The following TAF1D variants were observed in gnomAD, a reference collection of about 807,000 sequenced individuals.
TAF1D encodes TATA box-binding protein-associated factor RNA polymerase I subunit D.
In TAF1D, 23 loss-of-function variants were observed where a neutral mutation model predicts 26.2. The ratio of observed to expected loss-of-function variants is 0.88; its 90% CI spans 0.63 to 1.25. TAF1D has a LOEUF of 1.25. TAF1D is among the 50% of genes most tolerant of loss of function. The pLI is 0.00. For synonymous variants in TAF1D, 100 were observed against 105.6 expected, an observed-to-expected ratio of 0.95 and a Z score of 0.33; for missense variants, 299 against 322.0, an observed-to-expected ratio of 0.93 and a Z score of 0.55.
Position 93,738,292 on chromosome 11 carries a change from T to A in TAF1D, c.276A>T (p.Lys92Asn), listed in dbSNP as rs761607709. The change falls in exon 3 of 6, where the codon AAA becomes AAT. Residue 92 changes from lysine (K) to asparagine (N), a missense_variant. Coordinates refer to ENST00000448108, the MANE Select transcript of TAF1D (RefSeq NM_024116.4). ...GCTGGTACCTCCTCTTTTTCTTTTT[T>A]TTATATCTCTTTTTCCTGTTCTTGA... ...ERFKNRKKRYKKKKKRRYQPT... is the reference protein window; with the variant it reads ...ERFKNRKKRYNKKKKRRYQPT... 3.1e-6 allele frequency: 5 copies of A among 1,608,518 alleles called. No individual in the cohort carries two copies. The highest frequency in any genetic ancestry group is 4.2e-6 in the Non-Finnish European group (5 of 1,178,792).
At chr11:93,740,620 G>C (rs1253398835) in intron 1 of TAF1D, among the ~76,000 whole-genome samples, 1 of 151,674 alleles carries the variant, frequency 6.6e-6, no homozygotes, top group Non-Finnish European at 1.5e-5. Flanking sequence ...AATATGAAAC[G>C]ATAAGGTCAC....
Position 93,735,849 on chromosome 11 carries a change from A to G in TAF1D, c.*312T>C, listed in dbSNP as rs905092631. ...CTTTAAGATTTTCTTTTCAAAATTA[A>G]AATCACTACATTTCATTGTTTCAAT... On this transcript the variant is annotated 3_prime_UTR_variant, in exon 6 of 6. Transcript: ENST00000448108. 1 of 1,090,100 alleles carries G rather than the reference A, an allele frequency of 9.2e-7. No individual in the cohort carries two copies. Among genetic ancestry groups the G allele is most frequent in the African/African-American group, 1.7e-5 (1 of 59,254 alleles). 67.5% of individuals were successfully genotyped at this position (1,090,100 alleles called of 1,614,324 possible).
chr11:93,733,764 T>C (rs780894153), downstream of TAF1D: 4 of 285,070 alleles, frequency 1.4e-5, no homozygotes, highest in Non-Finnish European at 2.8e-5. Flanking sequence ...CTCAAGTGTT[T>C]CTCCTGCCTT....
rs543075610 is a variant in TAF1D at position 93,736,040 on chromosome 11, T to G, written c.*121A>C. 3 of 1,448,396 alleles carry G rather than the reference T, an allele frequency of 2.1e-6. No homozygotes were observed. The highest frequency in any genetic ancestry group is 2.7e-5 in the Admixed American group (1 of 36,638). The allele number at this position is 1,448,396 out of a possible 1,614,324, so 89.7% of individuals were successfully genotyped here. ...GGGTTAAAAATTTTTTTTCTTGTTA[T>G]AAAGTTCTGGGTTTCAGAATTTCTT... On this transcript the variant is annotated 3_prime_UTR_variant, in exon 6 of 6. Coordinates refer to ENST00000448108, the MANE Select transcript of TAF1D (RefSeq NM_024116.4).
chr11:93,738,074 T>TTATG, intron 3 of TAF1D, 35 bp downstream of exon 3: 2 of 1,512,376 alleles, frequency 1.3e-6, no homozygotes, highest in South Asian at 2.8e-5. Context: ...GCATCTTGAG[T>TTATG]TATGTGTAGC....
intron 1 of TAF1D, among the ~76,000 whole-genome samples, chr11:93,739,961 C>CAAAAAAAAAAAAAAAAAAAAAAAAAA (rs67574108): frequency 1.2e-5 from 1 of 82,422 alleles, no homozygotes; most frequent in Non-Finnish European, 2.2e-5. Context: ...TACAACATAC[C>CAAAAAAAAAAAAAAAAAAAAAAAAAA]AAAAAAAAAA....
chr11:93,740,392 C>G (rs1941673337), intron 1 of TAF1D, among the ~76,000 whole-genome samples: 1 of 127,296 alleles, frequency 7.9e-6, no homozygotes. Flanking sequence ...GATTGCACCA[C>G]TGCACTCCAG....
At chr11:93,739,961 CAAAAAAAAAA>C (rs67574108) in intron 1 of TAF1D, among the ~76,000 whole-genome samples, 2 of 82,414 alleles carry the variant, frequency 2.4e-5, no homozygotes, top group African/African-American at 1.1e-4. Context: ...TACAACATAC[CAAAAAAAAAA>C]AAAAAAAAAA....
downstream of TAF1D, chr11:93,735,194 TGTAA>T (rs1263146563): frequency 1.5e-6 from 2 of 1,351,990 alleles, no homozygotes; most frequent in African/African-American, 1.5e-5. Context: ...TGCACCTATC[TGTAA>T]GTCTTTGTCC....
At chr11:93,731,739 A>G (rs113709416), downstream of TAF1D, 9 of 351,636 alleles carry the variant, frequency 2.6e-5, no homozygotes, top group African/African-American at 1.3e-4. Context: ...CTTTTAAGTA[A>G]TGAATTAACT....
chr11:93,739,719 G>A (rs113486138), intron 1 of TAF1D, among the ~76,000 whole-genome samples: 8 of 152,062 alleles, frequency 5.3e-5, no homozygotes, highest in African/African-American at 1.9e-4. Context: ...CTAAAGCAAA[G>A]TGTGCCCTAT....
chr11:93,736,184 C>T lies in TAF1D; in HGVS notation c.814G>A (p.Gly272Arg), dbSNP rs1052366045. The T allele has an allele frequency of 6.2e-7, 1 of 1,613,444 alleles. No individual in the cohort carries two copies. Among genetic ancestry groups the T allele is most frequent in the African/African-American group, 1.3e-5 (1 of 74,962 alleles). ...TGTCACATTTTCAGGCCTCTCTGTC[C>T]AGTATTTTTGGCTTTTGTAGCTCTC... The part of the protein sequence containing the change: ...KKRATKAKNT[G>R]QRGLKM The change falls in exon 6 of 6, where the codon GGA becomes AGA. Residue 272 changes from glycine to arginine, a missense_variant. By Grantham distance (125) the Gly-to-Arg change is moderately radical. Transcript: ENST00000448108.
Position 93,736,695 on chromosome 11 carries a change from G to A in TAF1D, c.692C>T (p.Ala231Val), listed in dbSNP as rs372054362. 6.2e-7 allele frequency: 1 copy of A among 1,611,336 alleles called. No homozygotes were observed. Among genetic ancestry groups the A allele is most frequent in the Non-Finnish European group, 8.5e-7 (1 of 1,179,160 alleles). Residue 231 changes from alanine (A) to valine (V), a missense_variant and splice_region_variant, in exon 5 of 6, where the codon GCA (alanine) becomes GTA (valine). Coordinates refer to ENST00000448108, the MANE Select transcript of TAF1D (RefSeq NM_024116.4). The stretch of plus-strand genomic sequence containing the variant: ...ATAGGAAAAAAATAAGTCACTTACT[G>A]CCAATTTGATATCACATTCGTTATC... ...LEDNECDIKLAGDSFIVSSEF... is the reference protein window; with the variant it reads ...LEDNECDIKLVGDSFIVSSEF...
downstream of TAF1D, chr11:93,730,811 T>C (rs1591203883): frequency 1.2e-5 from 5 of 402,790 alleles, no homozygotes; most frequent in African/African-American, 1.0e-4. Flanking sequence ...GAGTTAACTC[T>C]ACTACAAACT....
chr11:93,731,663 GATAA>G (rs1425686382), downstream of TAF1D: 43 of 453,560 alleles, frequency 9.5e-5, no homozygotes, highest in Non-Finnish European at 1.3e-4. Flanking sequence ...AGCATTGCTA[GATAA>G]ATAAATAACC....
chr11:93,730,772 G>C (rs1237223651), downstream of TAF1D: 12 of 432,954 alleles, frequency 2.8e-5, no homozygotes, highest in Non-Finnish European at 5.4e-5. Context: ...TACAGTGAGT[G>C]AACATGAATG....
At position 93,735,814 on chromosome 11, in the gene TAF1D, T is replaced by C; in HGVS notation, c.*347A>G. On this transcript the variant is annotated 3_prime_UTR_variant, in exon 6 of 6. Coordinates refer to ENST00000448108, the MANE Select transcript of TAF1D (RefSeq NM_024116.4). ...AAATCCCCTCTTCAAGATGGTTGGG[T>C]GTCAAGTTACTTTAAGATTTTCTTT... 1 of 1,070,036 alleles carries C rather than the reference T, an allele frequency of 9.3e-7. No individual in the cohort carries two copies. The highest frequency in any genetic ancestry group is 1.1e-6 in the Non-Finnish European group (1 of 883,128). The allele number at this position is 1,070,036 out of a possible 1,614,324, so 66.3% of individuals were successfully genotyped here.
At chr11:93,731,448 T>C (rs1479548439), downstream of TAF1D, 1 of 513,914 alleles carries the variant, frequency 1.9e-6, no homozygotes, top group South Asian at 1.4e-5. Flanking sequence ...CTGGTAACTT[T>C]TACCTTTGAG....
At chr11:93,731,729 C>CT, downstream of TAF1D, 1 of 353,712 alleles carries the variant, frequency 2.8e-6, no homozygotes, top group East Asian at 7.5e-5. Flanking sequence ...CCTGCATGGC[C>CT]TTTTAAGTAA....
Sources: gnomAD v4.1 joint callset for allele counts (sites outside exome capture counted in the v4.1 genomes callset) on GRCh38, gnomAD v4.1.1 for gene constraint, MANE v1.5 for transcripts, NCBI Gene and HGNC (gene_info 2026-07-23, HGNC 2026-07-21) for gene names.